The following AP5Z1 variants were observed in gnomAD, a reference collection of about 807,000 sequenced individuals.
AP5Z1 encodes the protein AP-5 complex subunit zeta-1.
In AP5Z1, 106 loss-of-function variants were observed where a neutral mutation model predicts 83.0. The observed-to-expected ratio is 1.28, with a 90% CI of 1.09 to 1.50. The LOEUF (loss-of-function observed/expected upper bound fraction) is 1.50, where lower values mean the gene tolerates loss of function less well. Among genes scored for constraint, AP5Z1 ranks in the 40% most tolerant of loss-of-function variants. AP5Z1 has a pLI of 0.00. For missense variants in AP5Z1, 1,565 were observed against 1,094.2 expected, an observed-to-expected ratio of 1.43 and a Z score of -6.07; for synonymous variants, 751 against 514.1, an observed-to-expected ratio of 1.46 and a Z score of -6.23.
rs1365926486 is a variant in AP5Z1, at chr7:4,786,920, A to C, written c.1311+492A>C. On this transcript the variant is annotated intron_variant, in intron 10 of 16. Coordinates refer to ENST00000649063, the MANE Select transcript of AP5Z1 (RefSeq NM_014855.3). ...TGAGTAGTTGAGATTACAGGCACCC[A>C]CCACCATGTCCAGCTAATTTTTGGT... 2.6e-5 allele frequency among the ~76,000 whole-genome samples: 4 copies of C among 152,026 alleles called. No homozygotes were observed. In the South Asian group the frequency reaches 8.3e-4, roughly 31 times the overall value.
In AP5Z1 at chr7:4,781,555, T is replaced by C; in HGVS notation, c.180-13T>C. ...GACGTGTTACCGCCCACCACGGGCATCTCGCCTTCCAGGCTGGAGAAGACA... is the reference window on the plus strand; with the variant it reads ...GACGTGTTACCGCCCACCACGGGCACCTCGCCTTCCAGGCTGGAGAAGACA... On this transcript the variant is annotated splice_polypyrimidine_tract_variant and intron_variant, in intron 2 of 16. Transcript: ENST00000649063. The C allele has an allele frequency of 1.2e-6, 2 of 1,601,430 alleles. No individual in the cohort carries two copies. Among genetic ancestry groups the C allele is most frequent in the Non-Finnish European group, 1.7e-6 (2 of 1,170,728 alleles).
Position 4,791,302 on chromosome 7 carries a change from C to T in AP5Z1, c.2341C>T (p.Arg781Cys), listed in dbSNP as rs751923677. 26 of 1,612,234 alleles carry T rather than the reference C, an allele frequency of 1.6e-5. No individual in the cohort carries two copies. Among genetic ancestry groups the T allele is most frequent in the African/African-American group, 5.3e-5 (4 of 74,948 alleles). ...GGAGGTGTGCAGCCCCCGCTATCAC[C>T]GCGATGCCAACACGGCCCTGCCCCT... ...STEVCSPRYH[R>C]DANTALPLAL... The change falls in exon 17 of 17, where the codon CGC (arginine) becomes TGC (cysteine). Residue 781 changes from arginine (R) to cysteine (C), a missense_variant. Arg to Cys is a radical substitution (Grantham distance 180). Coordinates refer to ENST00000649063, the MANE Select transcript of AP5Z1 (RefSeq NM_014855.3).
At chr7:4,780,751 G>T (rs1247366188) in intron 1 of AP5Z1, among the ~76,000 whole-genome samples, 1 of 152,110 alleles carries the variant, frequency 6.6e-6, no homozygotes, top group Non-Finnish European at 1.5e-5. Flanking sequence ...GGGTGACAGA[G>T]CAAGACTCCA....
At position 4,788,204 on chromosome 7, in the gene AP5Z1, C is replaced by A. The variant is rs749763325; in HGVS notation, c.1505C>A (p.Ala502Asp). ...CCACTCTGGGACACCTCTCTCAGGGCCCCCAGCTGCCTGGAGGCCTTCCGG... is the reference window on the plus strand; with the variant it reads ...CCACTCTGGGACACCTCTCTCAGGGACCCCAGCTGCCTGGAGGCCTTCCGG... ...ERPLWDTSLRAPSCLEAFRDP... is the reference protein window; with the variant it reads ...ERPLWDTSLRDPSCLEAFRDP... Residue 502 changes from alanine to aspartate, a missense_variant, in exon 12 of 17, where the codon GCC (alanine) becomes GAC (aspartate). Ala to Asp is a moderately radical substitution (Grantham distance 126, BLOSUM62 -2). Transcript: ENST00000649063. The A allele has an allele frequency of 1.3e-6, 2 of 1,563,096 alleles. No individual in the cohort carries two copies. The highest frequency in any genetic ancestry group is 1.4e-5 in the African/African-American group (1 of 73,794).
intron 1 of AP5Z1, among the ~76,000 whole-genome samples, chr7:4,778,759 TTA>T (rs60900888): frequency 0.022 from 3,210 of 146,966 alleles, 96 homozygotes; most frequent in African/African-American, 0.066. Context: ...ATTTTATATA[TTA>T]TATATTACAT....
chr7:4,793,393 C>T lies in AP5Z1; in HGVS notation c.*2008C>T, dbSNP rs1317570593. 6.6e-6 allele frequency: 1 copy of T among 152,644 alleles called. No individual in the cohort carries two copies. The highest frequency in any genetic ancestry group is 1.5e-5 in the Non-Finnish European group (1 of 68,356). The allele number at this position is 152,644 out of a possible 1,614,324, so 9.5% of individuals were successfully genotyped here. ...GCAGTCCTCACAGCCCTCGCTCGCT[C>T]TTGGCGCCTCCTCTGCCTGGGCTCC... On this transcript the variant is annotated 3_prime_UTR_variant, in exon 17 of 17. Coordinates refer to ENST00000649063, the MANE Select transcript of AP5Z1 (RefSeq NM_014855.3).
At position 4,791,656 on chromosome 7, in the gene AP5Z1, C is replaced by G. The variant is rs1289419645; in HGVS notation, c.*271C>G. On this transcript the variant is annotated 3_prime_UTR_variant, in exon 17 of 17. Coordinates refer to ENST00000649063, the MANE Select transcript of AP5Z1 (RefSeq NM_014855.3). ...TGATTGGAGGCTTGAGGCCCTGTGG[C>G]TGGGTCGGGTGGAGGCTGCTGGGTC... 11 of 525,460 alleles carry G rather than the reference C, an allele frequency of 2.1e-5. No homozygotes were observed. The highest frequency in any genetic ancestry group is 1.9e-4 in the African/African-American group (10 of 52,604). The allele number at this position is 525,460 out of a possible 1,614,324, so 32.5% of individuals were successfully genotyped here. A position where few individuals can be genotyped will look rare whatever the true frequency, so the allele number is the denominator to read the frequency against.
At chr7:4,790,916 T>C (rs1468438321) in intron 16 of AP5Z1, 29 bp downstream of exon 16, 1 of 1,558,606 alleles carries the variant, frequency 6.4e-7, no homozygotes, top group Non-Finnish European at 8.7e-7. Context: ...AGCGAAGCCT[T>C]CTGGCTCCTG....
In AP5Z1 at chr7:4,791,458, TAGG is replaced by T. The variant is rs1781770556; in HGVS notation, c.*76_*78del. ...CAGCTTGCTACTGAGGCCAGGCTGA[TAGG>T]AGCTCAGGAGGGCGCGGGAGTCCTG... On this transcript the variant is annotated 3_prime_UTR_variant, in exon 17 of 17. Coordinates refer to ENST00000649063, the MANE Select transcript of AP5Z1 (RefSeq NM_014855.3). 17 of 1,505,786 alleles carry T rather than the reference TAGG, an allele frequency of 1.1e-5. No homozygotes were observed. Among genetic ancestry groups the T allele is most frequent in the South Asian group, 3.9e-5 (3 of 76,700 alleles). The allele number at this position is 1,505,786 out of a possible 1,614,324, so 93.3% of individuals were successfully genotyped here.
intron 1 of AP5Z1, among the ~76,000 whole-genome samples, chr7:4,777,112 C>T (rs925440999): frequency 6.6e-5 from 10 of 152,192 alleles, no homozygotes; most frequent in Admixed American, 6.5e-4. Flanking sequence ...GGTGAATATG[C>T]AGCACCATCT....
chr7:4,789,813 T>TC lies in AP5Z1; in HGVS notation c.1708-16dup. On this transcript the variant is annotated intron_variant, in intron 13 of 16. Transcript: ENST00000649063. ...CAGTGGGGGTGGGGCTGAGCCTGTT[T>TC]CCCACTCCTGACCCCCAGGTGGCTG... 6.5e-7 allele frequency: 1 copy of TC among 1,548,550 alleles called. No homozygotes were observed. The highest frequency in any genetic ancestry group is 8.7e-7 in the Non-Finnish European group (1 of 1,145,232).
At chr7:4,776,319 C>T (rs1781224101) in intron 1 of AP5Z1, among the ~76,000 whole-genome samples, 1 of 151,762 alleles carries the variant, frequency 6.6e-6, no homozygotes, top group South Asian at 2.1e-4. Context: ...TGAGTAGCTC[C>T]TTCCTCACCA....
chr7:4,793,008 G>GGCTCCCA lies in AP5Z1; in HGVS notation c.*1632_*1638dup, dbSNP rs1052493959. 1 of 155,154 alleles carries GGCTCCCA rather than the reference G, an allele frequency of 6.4e-6. No homozygotes were observed. The highest frequency in any genetic ancestry group is 6.4e-5 in the Admixed American group (1 of 15,646). The allele number at this position is 155,154 out of a possible 1,614,324, so 9.6% of individuals were successfully genotyped here. On this transcript the variant is annotated 3_prime_UTR_variant, in exon 17 of 17. Transcript: ENST00000649063. Reference sequence around the variant, plus strand: ...GACCTGAAGGCGTCGGGGGTGTCCTGGCTCCCAGCTCCCAGGCACTCGTGG... The same window carrying GGCTCCCA: ...GACCTGAAGGCGTCGGGGGTGTCCTGGCTCCCAGCTCCCAGCTCCCAGGCACTCGTGG...
Position 4,784,299 on chromosome 7 carries a change from G to A in AP5Z1, c.718G>A (p.Val240Met), listed in dbSNP as rs758494090. The A allele has an allele frequency of 7.5e-6, 12 of 1,602,434 alleles. No individual in the cohort carries two copies. Among genetic ancestry groups the A allele is most frequent in the Admixed American group, 1.7e-5 (1 of 58,454 alleles). Reference sequence around the variant, plus strand: ...CTTCACAGACGACCAGTGGCTGAACGTGCAGGCCTTCTCTATGCTGCGGGC... The same window carrying A: ...CTTCACAGACGACCAGTGGCTGAACATGCAGGCCTTCTCTATGCTGCGGGC... ...HRFTDDQWLN[V>M]QAFSMLRAWL... Residue 240 changes from valine (V) to methionine (M), a missense_variant, in exon 6 of 17, where the codon GTG (valine) becomes ATG (methionine). Val to Met is a conservative substitution (Grantham distance 21). Coordinates refer to ENST00000649063, the MANE Select transcript of AP5Z1 (RefSeq NM_014855.3).
chr7:4,787,801 G>A (rs753819306), intron 11 of AP5Z1, 25 bp downstream of exon 11: 101 of 1,511,058 alleles, frequency 6.7e-5, no homozygotes, highest in South Asian at 1.6e-4. Flanking sequence ...CTCTGCCAGC[G>A]CTGCGTCTCC....
rs1163854472 is a variant in AP5Z1 at position 4,785,502 on chromosome 7, A to G, written c.970-20A>G. 1 of 1,613,304 alleles carries G rather than the reference A, an allele frequency of 6.2e-7. No homozygotes were observed. The highest frequency in any genetic ancestry group is 2.2e-5 in the East Asian group (1 of 44,864). On this transcript the variant is annotated intron_variant, in intron 8 of 16. Transcript: ENST00000649063. ...GGGAGGCAGCGACTCGGCCCATTTG[A>G]TGTGGTCCATGTCCCGCAGTGCCTG...
In AP5Z1 at chr7:4,784,305, G is replaced by C. The variant is rs886062351; in HGVS notation, c.724G>C (p.Ala242Pro). The change falls in exon 6 of 17, where the codon GCC becomes CCC. Residue 242 changes from alanine (A) to proline (P), a missense_variant. Physicochemically the swap from Ala to Pro is conservative, Grantham distance 27. Coordinates refer to ENST00000649063, the MANE Select transcript of AP5Z1 (RefSeq NM_014855.3). ...FTDDQWLNVQ[A>P]FSMLRAWLLH... ...AGACGACCAGTGGCTGAACGTGCAG[G>C]CCTTCTCTATGCTGCGGGCGTGGCT... 1 of 1,602,562 alleles carries C rather than the reference G, an allele frequency of 6.2e-7. No individual in the cohort carries two copies. The highest frequency in any genetic ancestry group is 8.5e-7 in the Non-Finnish European group (1 of 1,175,614).
chr7:4,775,788 C>A, intron 1 of AP5Z1, 32 bp downstream of exon 1: 1 of 1,599,302 alleles, frequency 6.3e-7, no homozygotes, highest in Non-Finnish European at 8.5e-7. Context: ...GGCCCTCCTT[C>A]CTGCATCTCT....
At chr7:4,788,546 C>A (rs1298711878) in intron 12 of AP5Z1, 2 of 529,512 alleles carry the variant, frequency 3.8e-6, no homozygotes, top group Non-Finnish European at 6.4e-6. Context: ...CCTGTGGGTG[C>A]TCCATTTTGC....
Sources: allele counts gnomAD v4.1 joint callset (sites outside exome capture counted in the v4.1 genomes callset), GRCh38; gene constraint gnomAD v4.1.1; transcripts MANE v1.5; gene names NCBI Gene and HGNC (gene_info 2026-07-23, HGNC 2026-07-21).